SP110: variants seen among roughly 807,000 people sequenced by gnomAD.
The protein encoded by SP110 is SP110 nuclear body protein, also known as interferon-induced protein 41, 30kD.
A neutral mutation model predicts 92.7 loss-of-function variants in SP110; 62 were observed. The ratio of observed to expected loss-of-function variants is 0.67; its 90% CI spans 0.55 to 0.83. SP110 has a LOEUF of 0.83. Among genes scored for constraint, SP110 ranks in the 40% least tolerant of loss-of-function variants. The pLI is 0.00. For missense variants in SP110, 793 were observed against 863.9 expected, an observed-to-expected ratio of 0.92 and a Z score of 1.03; for synonymous variants, 273 against 305.3, an observed-to-expected ratio of 0.89 and a Z score of 1.10.
intron 12 of SP110, among the ~76,000 whole-genome samples, chr2:230,180,231 T>C (rs1330264448): frequency 2.0e-5 from 3 of 152,012 alleles, no homozygotes; most frequent in African/African-American, 7.2e-5. Flanking sequence ...TGGAGAAAAC[T>C]AAGAAGAAAA....
chr2:230,179,406 G>C (rs2042024008), intron 12 of SP110, among the ~76,000 whole-genome samples: 1 of 147,130 alleles, frequency 6.8e-6, no homozygotes, highest in African/African-American at 2.5e-5. Flanking sequence ...GGAGTGGCCA[G>C]CTCCACCATT....
chr2:230,168,401 T>C lies in SP110; in HGVS notation c.*723A>G, dbSNP rs2078346548. On this transcript the variant is annotated 3_prime_UTR_variant, in exon 19 of 19. Coordinates refer to ENST00000258381, the MANE Select transcript of SP110 (RefSeq NM_080424.4). ...GCAGAATAATTCTGACCAATAATTA[T>C]GTAAAAAAAAACCTGAATCTCATCA... 1 of 83,214 alleles carries C rather than the reference T, an allele frequency of 1.2e-5. No homozygotes were observed. The highest frequency in any genetic ancestry group is 3.5e-4 in the South Asian group (1 of 2,878). The allele number at this position is 83,214 out of a possible 1,614,324, so 5.2% of individuals were successfully genotyped here. A position where few individuals can be genotyped will look rare whatever the true frequency, so the allele number is the denominator to read the frequency against.
chr2:230,197,541 A>G (rs1250355533), intron 10 of SP110, among the ~76,000 whole-genome samples: 2 of 147,420 alleles, frequency 1.4e-5, no homozygotes, highest in Non-Finnish European at 1.5e-5. Flanking sequence ...GAAGCTCTTT[A>G]GTTTAATTAG....
intron 9 of SP110, among the ~76,000 whole-genome samples, chr2:230,201,812 T>C (rs1219886622): frequency 6.6e-6 from 1 of 152,238 alleles, no homozygotes; most frequent in African/African-American, 2.4e-5. Flanking sequence ...TAACAGAGTA[T>C]GAAGTTAATT....
chr2:230,223,565 A>G (rs371649965), upstream of SP110, among the ~76,000 whole-genome samples: 90 of 152,348 alleles, frequency 5.9e-4, no homozygotes, highest in African/African-American at 2.0e-3. Flanking sequence ...CCTGACTGAT[A>G]AAAATGTTGG....
intron 14 of SP110, chr2:230,173,411 C>G: frequency 4.4e-6 from 1 of 226,240 alleles, no homozygotes; most frequent in East Asian, 1.0e-4. Context: ...ATGGTCGTAA[C>G]ATAACATGGC....
rs2106329137 is a variant in SP110 at position 230,165,287 on chromosome 2, C to T, written c.*3837G>A. Among the ~76,000 whole-genome samples the T allele has an allele frequency of 6.6e-6, 1 of 152,260 alleles. No homozygotes were observed. The highest frequency in any genetic ancestry group is 1.5e-5 in the Non-Finnish European group (1 of 68,018). ...ATGGTGAATCAGAAAACATACCATC[C>T]ATGTAATTCTTTTCAAATTACTTAA... On this transcript the variant is annotated 3_prime_UTR_variant, in exon 19 of 19. Coordinates refer to ENST00000258381, the MANE Select transcript of SP110 (RefSeq NM_080424.4).
At chr2:230,184,053 G>A (rs1304000456) in intron 11 of SP110, among the ~76,000 whole-genome samples, 1 of 152,168 alleles carries the variant, frequency 6.6e-6, no homozygotes. Flanking sequence ...TGACTGATGG[G>A]TGGGCTGCGT....
chr2:230,175,292 G>T (rs1336559015), intron 14 of SP110, among the ~76,000 whole-genome samples: 1 of 152,050 alleles, frequency 6.6e-6, no homozygotes, highest in Admixed American at 6.5e-5. Context: ...CCATTTGGTG[G>T]CTTTCCATTG....
At chr2:230,210,279 G>T (rs564920395) in intron 6 of SP110, among the ~76,000 whole-genome samples, 1 of 152,222 alleles carries the variant, frequency 6.6e-6, no homozygotes, top group Non-Finnish European at 1.5e-5. Context: ...GGATGGAAGA[G>T]AAGTGAGTGA....
intron 14 of SP110, among the ~76,000 whole-genome samples, chr2:230,174,478 T>A (rs535330428): frequency 2.0e-4 from 30 of 152,170 alleles, no homozygotes; most frequent in Non-Finnish European, 3.8e-4. Flanking sequence ...CTGTGGAAGC[T>A]TTGGCAACCT....
chr2:230,167,772 G>A lies in SP110; in HGVS notation c.*1352C>T, dbSNP rs575140342. The A allele has an allele frequency of 6.6e-6, 1 of 152,320 alleles. No individual in the cohort carries two copies. The highest frequency in any genetic ancestry group is 6.5e-5 in the Admixed American group (1 of 15,304). The allele number at this position is 152,320 out of a possible 1,614,324, so 9.4% of individuals were successfully genotyped here. On this transcript the variant is annotated 3_prime_UTR_variant, in exon 19 of 19. Coordinates refer to ENST00000258381, the MANE Select transcript of SP110 (RefSeq NM_080424.4). Reference sequence around the variant, plus strand: ...GTCTGCCAGTACCATGTGGAGCAAAGGGAAGCATCCTCATGGATGATGCCT... The same window carrying A: ...GTCTGCCAGTACCATGTGGAGCAAAAGGAAGCATCCTCATGGATGATGCCT...
chr2:230,198,279 G>A (rs1167113961), intron 10 of SP110, among the ~76,000 whole-genome samples: 1 of 152,172 alleles, frequency 6.6e-6, no homozygotes. Flanking sequence ...ACCCAGAAGT[G>A]ACACCCATCT....
At chr2:230,170,358 T>G (rs1038073022) in intron 18 of SP110, among the ~76,000 whole-genome samples, 1 of 152,132 alleles carries the variant, frequency 6.6e-6, no homozygotes, top group African/African-American at 2.4e-5. Flanking sequence ...CTGCTCTCGT[T>G]GGGAGCGAGC....
chr2:230,172,004 CCTGTTTGTG>C, intron 16 of SP110, 53 bp downstream of exon 16: 1 of 1,029,200 alleles, frequency 9.7e-7, no homozygotes, highest in Non-Finnish European at 1.5e-6. Context: ...TGACCCTGTG[CCTGTTTGTG>C]CTTCTCGTGT....
upstream of SP110, chr2:230,221,791 A>G: frequency 7.2e-7 from 1 of 1,398,176 alleles, no homozygotes. Context: ...AGATCTATTC[A>G]GAGATACACC....
Position 230,168,450 on chromosome 2 carries a change from C to T in SP110, c.*674G>A, listed in dbSNP as rs981992852. The T allele has an allele frequency of 4.6e-5, 7 of 151,880 alleles. No homozygotes were observed. The highest frequency in any genetic ancestry group is 8.8e-5 in the Non-Finnish European group (6 of 67,986). The allele number at this position is 151,880 out of a possible 1,614,324, so 9.4% of individuals were successfully genotyped here. A position where few individuals can be genotyped will look rare whatever the true frequency, so the allele number is the denominator to read the frequency against. Reference sequence around the variant, plus strand: ...CATTTTGCAACCTCTGATGATATCACGGATTTAGGTATTGCTAAAACCATC... The same window carrying T: ...CATTTTGCAACCTCTGATGATATCATGGATTTAGGTATTGCTAAAACCATC... On this transcript the variant is annotated 3_prime_UTR_variant, in exon 19 of 19. Coordinates refer to ENST00000258381, the MANE Select transcript of SP110 (RefSeq NM_080424.4).
At chr2:230,171,097 C>CT (rs1321914377) in intron 17 of SP110, among the ~76,000 whole-genome samples, 1 of 152,020 alleles carries the variant, frequency 6.6e-6, no homozygotes, top group East Asian at 1.9e-4. Flanking sequence ...ATCTATGACT[C>CT]TTTTTTTTCT....
rs1024195645 is a variant in SP110, at chr2:230,218,242, A to G, written c.-1-1314T>C. 2.6e-5 allele frequency among the ~76,000 whole-genome samples: 4 copies of G among 152,234 alleles called. No individual in the cohort carries two copies. The East Asian group carries it at 7.7e-4, about 29-fold the overall frequency. ...CATTTTGTGTTGAACAGAAAAGTAAATCGTAATTAACAACTGTTTACAGGG... is the reference window on the plus strand; with the variant it reads ...CATTTTGTGTTGAACAGAAAAGTAAGTCGTAATTAACAACTGTTTACAGGG... On this transcript the variant is annotated intron_variant, in intron 1 of 18. Coordinates refer to ENST00000258381, the MANE Select transcript of SP110 (RefSeq NM_080424.4).
Sources: gnomAD v4.1 joint callset for allele counts (sites outside exome capture counted in the v4.1 genomes callset) on GRCh38, gnomAD v4.1.1 for gene constraint, MANE v1.5 for transcripts, NCBI Gene and HGNC (gene_info 2026-07-23, HGNC 2026-07-21) for gene names.